Variants in COG5 observed in about 807,000 individuals in gnomAD.
COG5 encodes the protein conserved oligomeric Golgi complex subunit 5.
A neutral mutation model predicts 110.4 loss-of-function variants in COG5; 86 were observed. That is an observed-to-expected ratio of 0.78 (90% CI 0.65 to 0.93). The LOEUF (loss-of-function observed/expected upper bound fraction) is 0.93, where lower values mean the gene tolerates loss of function less well. Ranked by LOEUF, COG5 falls within the 40% of genes least tolerant of loss-of-function variation. The probability of loss-of-function intolerance (pLI) is 0.00; values close to 1 mark genes in which losing one functional copy is unlikely to be tolerated. For synonymous variants in COG5, 360 were observed against 334.6 expected (o/e 1.08, Z -0.83); for missense variants, 1,077 against 987.0 (o/e 1.09, Z -1.22).
At chr7:107,460,358 G>A (rs1257735913) in intron 6 of COG5, among the ~76,000 whole-genome samples, 1 of 151,662 alleles carries the variant, frequency 6.6e-6, no homozygotes, top group Admixed American at 6.6e-5. Context: ...ACCAGTAATC[G>A]TACCACCCTG....
chr7:107,390,915 G>A (rs1014140675), intron 7 of COG5, among the ~76,000 whole-genome samples: 3 of 151,766 alleles, frequency 2.0e-5, no homozygotes, highest in African/African-American at 7.3e-5. Context: ...TGGAAGGCCA[G>A]AAGGTTTTTG....
At chr7:107,205,954 GT>G (rs11310380) in intron 21 of COG5, among the ~76,000 whole-genome samples, 24,598 of 143,232 alleles carry the variant, frequency 0.17, 2,311 homozygotes, top group Non-Finnish European at 0.22. Context: ...AAGTGTAGCT[GT>G]TTTTTTTTTT....
chr7:107,344,233 T>C (rs1230816725), intron 10 of COG5, among the ~76,000 whole-genome samples: 1 of 152,242 alleles, frequency 6.6e-6, no homozygotes, highest in Non-Finnish European at 1.5e-5. Flanking sequence ...TTGATGATTT[T>C]AGCTAGATCT....
At chr7:107,478,487 A>C (rs909800715) in intron 6 of COG5, among the ~76,000 whole-genome samples, 7 of 152,132 alleles carry the variant, frequency 4.6e-5, no homozygotes, top group Non-Finnish European at 8.8e-5. Context: ...AAAAATATTA[A>C]ATGGAAAATT....
chr7:107,331,584 C>T (rs1228118805), intron 10 of COG5, among the ~76,000 whole-genome samples: 1 of 152,076 alleles, frequency 6.6e-6, no homozygotes, highest in Non-Finnish European at 1.5e-5. Context: ...AAAATCTAGG[C>T]AAAAGGTACC....
At chr7:107,511,883 A>G (rs1398324452) in intron 6 of COG5, among the ~76,000 whole-genome samples, 1 of 152,366 alleles carries the variant, frequency 6.6e-6, no homozygotes, top group East Asian at 1.9e-4. Flanking sequence ...TTAGGTATTG[A>G]TGGGACATAT....
intron 7 of COG5, among the ~76,000 whole-genome samples, chr7:107,404,104 TTAAATACTAC>T (rs1379784550): frequency 5.9e-5 from 9 of 152,194 alleles, no homozygotes; most frequent in Non-Finnish European, 1.2e-4. Context: ...TTTAGTGTTA[TTAAATACTAC>T]TAATTTCACA....
chr7:107,395,595 C>T (rs76677520), intron 7 of COG5, among the ~76,000 whole-genome samples: 1,732 of 123,938 alleles, frequency 0.014, 44 homozygotes, highest in African/African-American at 0.048. Context: ...ACTCTTGTTG[C>T]CCAGGCTGGA....
At chr7:107,294,527 A>T (rs1360582166) in intron 12 of COG5, among the ~76,000 whole-genome samples, 1 of 151,884 alleles carries the variant, frequency 6.6e-6, no homozygotes, top group Non-Finnish European at 1.5e-5. Flanking sequence ...CATTCCTCTA[A>T]ATCAATGGTT....
chr7:107,298,060 T>C, intron 12 of COG5, 82 bp downstream of exon 12: 1 of 620,394 alleles, frequency 1.6e-6, no homozygotes. Flanking sequence ...TAATTTATAA[T>C]TTAAAATAAA....
At chr7:107,471,731 T>C (rs754951328) in intron 6 of COG5, 1 of 152,032 alleles carries the variant, frequency 6.6e-6, no homozygotes, top group African/African-American at 2.4e-5. Context: ...AAATACTTTA[T>C]CAGCACACAA....
At chr7:107,420,245 C>G (rs746414789) in intron 6 of COG5, among the ~76,000 whole-genome samples, 9 of 152,122 alleles carry the variant, frequency 5.9e-5, no homozygotes, top group Non-Finnish European at 8.8e-5. Flanking sequence ...ATTAAAAAAC[C>G]TGTGTTGCTA....
chr7:107,236,362 A>G (rs1214488959), intron 18 of COG5, 88 bp downstream of exon 18: 1 of 1,017,706 alleles, frequency 9.8e-7, no homozygotes, highest in East Asian at 2.4e-5. Context: ...GCAACTCTTT[A>G]AAAACACCGA....
chr7:107,240,407 G>C (rs1192865997), intron 17 of COG5, among the ~76,000 whole-genome samples: 3 of 152,066 alleles, frequency 2.0e-5, no homozygotes, highest in African/African-American at 7.2e-5. Flanking sequence ...GTAGAGACAG[G>C]GTTTCACCAT....
intron 6 of COG5, among the ~76,000 whole-genome samples, chr7:107,489,308 A>G (rs1306663684): frequency 1.3e-5 from 2 of 152,166 alleles, no homozygotes; most frequent in African/African-American, 4.8e-5. Context: ...TCTCAAACCA[A>G]TCTCATATCT....
At chr7:107,452,284 T>C (rs1224523977) in intron 6 of COG5, among the ~76,000 whole-genome samples, 1 of 152,214 alleles carries the variant, frequency 6.6e-6, no homozygotes, top group East Asian at 1.9e-4. Flanking sequence ...ATTACTCCCT[T>C]GGAGTCATCA....
At chr7:107,287,528 A>G (rs1562951712) in intron 12 of COG5, among the ~76,000 whole-genome samples, 1 of 152,310 alleles carries the variant, frequency 6.6e-6, no homozygotes, top group Middle Eastern at 3.4e-3. Flanking sequence ...AAAGTATACA[A>G]TTTGATGAAT....
chr7:107,457,669 T>TC (rs368613264), intron 6 of COG5, among the ~76,000 whole-genome samples: 2,761 of 151,186 alleles, frequency 0.018, 82 homozygotes, highest in African/African-American at 0.062. Context: ...GAAGTCGTGA[T>TC]CCCCCCCGCC....
intron 7 of COG5, among the ~76,000 whole-genome samples, chr7:107,387,229 G>C (rs910995853): frequency 2.6e-5 from 4 of 152,216 alleles, no homozygotes; most frequent in Non-Finnish European, 5.9e-5. Context: ...CACAAACCCA[G>C]AGCCAGCAAA....
Sources: gnomAD v4.1 joint callset for allele counts (sites outside exome capture counted in the v4.1 genomes callset) on GRCh38, gnomAD v4.1.1 for gene constraint, MANE v1.5 for transcripts, NCBI Gene and HGNC (gene_info 2026-07-23, HGNC 2026-07-21) for gene names.